The following PPP2CB variants were observed in gnomAD, a reference collection of about 807,000 sequenced individuals.
PPP2CB encodes protein phosphatase 2 catalytic subunit beta.
In PPP2CB, 18 loss-of-function variants were observed where a neutral mutation model predicts 39.1. That is an observed-to-expected ratio of 0.46 (90% CI 0.32 to 0.68). The LOEUF (loss-of-function observed/expected upper bound fraction) is 0.68, where lower values mean the gene tolerates loss of function less well. Ranked by LOEUF, PPP2CB falls within the 30% of genes least tolerant of loss-of-function variation. PPP2CB has a pLI of 0.04. For synonymous variants in PPP2CB, 129 were observed against 133.8 expected, an observed-to-expected ratio of 0.96 and a Z score of 0.25; for missense variants, 226 against 396.9, an observed-to-expected ratio of 0.57 and a Z score of 3.66.
chr8:30,806,046 A>ATTTT (rs1217819037), intron 1 of PPP2CB, among the ~76,000 whole-genome samples: 2 of 137,264 alleles, frequency 1.5e-5, no homozygotes, highest in East Asian at 4.3e-4. Context: ...GGTTAATATG[A>ATTTT]TTTTTTTTTT....
chr8:30,812,114 G>A (rs1009162150), intron 1 of PPP2CB, among the ~76,000 whole-genome samples: 2 of 152,164 alleles, frequency 1.3e-5, no homozygotes, highest in East Asian at 3.9e-4. Context: ...TGAGGCGGAG[G>A]TGGAAGGGGC....
At chr8:30,788,970 T>C (rs1806386313) in intron 6 of PPP2CB, among the ~76,000 whole-genome samples, 1 of 152,218 alleles carries the variant, frequency 6.6e-6, no homozygotes, top group Non-Finnish European at 1.5e-5. Context: ...TATTTTTGTT[T>C]AGTGACTTAG....
intron 1 of PPP2CB, among the ~76,000 whole-genome samples, chr8:30,809,628 G>T (rs1444573342): frequency 6.6e-6 from 1 of 152,084 alleles, no homozygotes; most frequent in African/African-American, 2.4e-5. Context: ...TGCTTTGTGG[G>T]TAAGGACAAA....
chr8:30,811,726 T>C (rs1219020886), intron 1 of PPP2CB, among the ~76,000 whole-genome samples: 1 of 151,972 alleles, frequency 6.6e-6, no homozygotes, highest in African/African-American at 2.4e-5. Flanking sequence ...GGTCTCTAAC[T>C]CCTGGGCTCA....
chr8:30,797,948 A>T (rs1171059112), intron 2 of PPP2CB, among the ~76,000 whole-genome samples, 194 bp from the exon 3 acceptor site: 6 of 152,188 alleles, frequency 3.9e-5, no homozygotes, highest in Non-Finnish European at 1.5e-5. Flanking sequence ...CGTGTTTATT[A>T]TAATCATCCT....
At chr8:30,800,898 A>G (rs1389683032) in intron 1 of PPP2CB, among the ~76,000 whole-genome samples, 1 of 152,178 alleles carries the variant, frequency 6.6e-6, no homozygotes. Context: ...AAACAACCGG[A>G]TGGCTAGCAT....
intron 2 of PPP2CB, among the ~76,000 whole-genome samples, chr8:30,798,217 T>C (rs1001327538): frequency 6.6e-6 from 1 of 152,232 alleles, no homozygotes; most frequent in African/African-American, 2.4e-5. Context: ...GATTTGCCAA[T>C]AATAACACAA....
In PPP2CB at chr8:30,797,730, T is replaced by C. The variant is rs1806550265; in HGVS notation, c.337A>G (p.Ile113Val). 1 of 1,613,854 alleles carries C rather than the reference T, an allele frequency of 6.2e-7. No homozygotes were observed. ...LKVRYPERITILRGNHESRQI... is the reference protein window; with the variant it reads ...LKVRYPERITVLRGNHESRQI... Reference sequence around the variant, plus strand: ...CGGCTTTCGTGATTTCCTCTCAATATTGTAATGCGTTCTGGATAACGCACC... The same window carrying C: ...CGGCTTTCGTGATTTCCTCTCAATACTGTAATGCGTTCTGGATAACGCACC... Residue 113 changes from isoleucine (I) to valine (V), a missense_variant, in exon 3 of 7, where the codon ATA becomes GTA. Coordinates refer to ENST00000221138, the MANE Select transcript of PPP2CB (RefSeq NM_001009552.2).
intron 1 of PPP2CB, 25 bp downstream of exon 1, chr8:30,812,295 G>A (rs1003133706): frequency 4.7e-6 from 7 of 1,477,338 alleles, no homozygotes; most frequent in African/African-American, 1.5e-5. Context: ...CCGCGCTCCC[G>A]CACTCGCCCC....
chr8:30,786,996 T>C (rs909892569), intron 6 of PPP2CB, among the ~76,000 whole-genome samples: 1 of 152,194 alleles, frequency 6.6e-6, no homozygotes, highest in Non-Finnish European at 1.5e-5. Context: ...TGTTTCTGGC[T>C]AGTGGATTTT....
chr8:30,801,767 G>A (rs1447897309), intron 1 of PPP2CB, among the ~76,000 whole-genome samples: 1 of 152,052 alleles, frequency 6.6e-6, no homozygotes, highest in Non-Finnish European at 1.5e-5. Flanking sequence ...AACCTGTAGC[G>A]ATTTTCAAAA....
chr8:30,798,388 C>T (rs1806559862), intron 2 of PPP2CB, among the ~76,000 whole-genome samples: 1 of 152,208 alleles, frequency 6.6e-6, no homozygotes, highest in Non-Finnish European at 1.5e-5. Flanking sequence ...GTATGTACTT[C>T]AATTCATACA....
At chr8:30,789,961 T>C (rs923834193) in intron 6 of PPP2CB, among the ~76,000 whole-genome samples, 3 of 152,202 alleles carry the variant, frequency 2.0e-5, no homozygotes, top group Non-Finnish European at 2.9e-5. Flanking sequence ...AATCCTTAGC[T>C]GGTAGATGCA....
chr8:30,786,360 CAAATGAATAAAGAACA>C (rs963154802), intron 6 of PPP2CB, 53 bp from the exon 7 acceptor site: 1 of 1,402,594 alleles, frequency 7.1e-7, no homozygotes, highest in African/African-American at 1.4e-5. Context: ...GCAAAGAAAA[CAAATGAATAAAGAACA>C]AGACACTGTA....
At chr8:30,800,339 A>T (rs977819297) in intron 1 of PPP2CB, among the ~76,000 whole-genome samples, 1 of 152,212 alleles carries the variant, frequency 6.6e-6, no homozygotes, top group African/African-American at 2.4e-5. Flanking sequence ...AGAATAGGCA[A>T]ATCTTCAAGG....
chr8:30,787,546 C>T (rs1586119375), intron 6 of PPP2CB, among the ~76,000 whole-genome samples: 1 of 152,118 alleles, frequency 6.6e-6, no homozygotes, highest in East Asian at 1.9e-4. Flanking sequence ...TACCATGTTA[C>T]CCAGGCTGAT....
intron 3 of PPP2CB, among the ~76,000 whole-genome samples, chr8:30,795,616 T>G (rs1383057393): frequency 6.6e-6 from 1 of 152,212 alleles, no homozygotes; most frequent in Non-Finnish European, 1.5e-5. Context: ...CGGTGTGAGT[T>G]TTGAACTCTC....
intron 1 of PPP2CB, among the ~76,000 whole-genome samples, chr8:30,811,915 G>A (rs981166789): frequency 2.0e-5 from 3 of 152,174 alleles, no homozygotes; most frequent in African/African-American, 7.2e-5. Flanking sequence ...TTCAGAAACT[G>A]GTCTGAAAAT....
Position 30,786,026 on chromosome 8 carries a change from G to C in PPP2CB, c.*209C>G, listed in dbSNP as rs1159930471. ...GCAGGCAAACTGTTAGACTGACCTA[G>C]AACATAGTGTACTAAATTTCAGTCT... On this transcript the variant is annotated 3_prime_UTR_variant, in exon 7 of 7. Coordinates refer to ENST00000221138, the MANE Select transcript of PPP2CB (RefSeq NM_001009552.2). 4 of 612,778 alleles carry C rather than the reference G, an allele frequency of 6.5e-6. No individual in the cohort carries two copies. The East Asian group carries it at 9.2e-5, about 14-fold the overall frequency. The allele number at this position is 612,778 out of a possible 1,614,324, so 38.0% of individuals were successfully genotyped here. A position where few individuals can be genotyped will look rare whatever the true frequency, so the allele number is the denominator to read the frequency against.
Sources: gnomAD v4.1 joint callset for allele counts (sites outside exome capture counted in the v4.1 genomes callset) on GRCh38, gnomAD v4.1.1 for gene constraint, MANE v1.5 for transcripts, NCBI Gene and HGNC (gene_info 2026-07-23, HGNC 2026-07-21) for gene names.